GALNT5: variants seen among roughly 807,000 people sequenced by gnomAD.
The protein encoded by GALNT5 is polypeptide N-acetylgalactosaminyltransferase 5, also known as UDP-GalNAc:polypeptide N-acetylgalactosaminyltransferase 5.
GALNT5 carries 72 observed loss-of-function variants against 85.4 expected under a neutral mutation model. The observed-to-expected ratio is 0.84, with a 90% CI of 0.70 to 1.03. The LOEUF is 1.03. Ranked by LOEUF, GALNT5 falls within the 50% of genes least tolerant of loss-of-function variation. The probability of loss-of-function intolerance (pLI) is 0.00; values close to 1 mark genes in which losing one functional copy is unlikely to be tolerated. For synonymous variants in GALNT5, 404 were observed against 397.0 expected, an observed-to-expected ratio of 1.02 and a Z score of -0.21; for missense variants, 1,137 against 1,135.5, an observed-to-expected ratio of 1.00 and a Z score of -0.02.
At chr2:157,295,058 C>G (rs1298157499) in intron 3 of GALNT5, among the ~76,000 whole-genome samples, 2 of 151,860 alleles carry the variant, frequency 1.3e-5, no homozygotes, top group African/African-American at 4.8e-5. Flanking sequence ...AGTGTGCAGG[C>G]CCATAGTGTT....
intron 9 of GALNT5, among the ~76,000 whole-genome samples, chr2:157,310,470 A>C (rs200764026): frequency 6.6e-6 from 1 of 152,202 alleles, no homozygotes; most frequent in East Asian, 1.9e-4. Flanking sequence ...TTGTAGCAGC[A>C]ATCTTTAAAA....
rs1682234078 is a variant in GALNT5, at chr2:157,258,224, G to C, written c.142G>C (p.Asp48His). ...SEINTRVIKE[D>H]IVRRERIGFR... Reference sequence around the variant, plus strand: ...GATCAACACTCGGGTCATCAAGGAAGACATTGTGAGGAGGGAGCGGATAGG... The same window carrying C: ...GATCAACACTCGGGTCATCAAGGAACACATTGTGAGGAGGGAGCGGATAGG... Residue 48 changes from aspartate (D) to histidine (H), a missense_variant, in exon 1 of 10, where the codon GAC (aspartate) becomes CAC (histidine). Transcript: ENST00000259056. 6.2e-7 allele frequency: 1 copy of C among 1,613,852 alleles called. No individual in the cohort carries two copies. The highest frequency in any genetic ancestry group is 8.5e-7 in the Non-Finnish European group (1 of 1,179,932).
rs1683564747 is a variant in GALNT5, at chr2:157,311,310, T to C, written c.2785T>C (p.Tyr929His). The C allele has an allele frequency of 4.3e-6, 7 of 1,609,760 alleles. No individual in the cohort carries two copies. The highest frequency in any genetic ancestry group is 1.7e-4 in the Middle Eastern group (1 of 6,048). Residue 929 changes from tyrosine (Y) to histidine (H), a missense_variant, in exon 10 of 10, where the codon TAT (tyrosine) becomes CAT (histidine). Coordinates refer to ENST00000259056, the MANE Select transcript of GALNT5 (RefSeq NM_014568.3). ...KVAACDPVKP[Y>H]QKWKFEKYYE... ...AGCTGCCTGTGACCCAGTGAAGCCA[T>C]ATCAAAAGTGGAAATTTGAAAAATA... is the stretch of plus-strand genomic sequence containing the variant.
At position 157,294,736 on chromosome 2, in the gene GALNT5, G is replaced by A. The variant is rs554788890; in HGVS notation, c.1742-927G>A. Among the ~76,000 whole-genome samples the A allele has an allele frequency of 2.0e-5, 3 of 151,840 alleles. No homozygotes were observed. The South Asian group carries it at 6.2e-4, about 32-fold the overall frequency. ...ATCACACATAGGATGTGGACCAGGA[G>A]CTTATTTCCTGGGTTGTTACACTCT... On this transcript the variant is annotated intron_variant, in intron 3 of 9. Coordinates refer to ENST00000259056, the MANE Select transcript of GALNT5 (RefSeq NM_014568.3).
intron 1 of GALNT5, among the ~76,000 whole-genome samples, chr2:157,272,219 C>A (rs1331996717): frequency 6.6e-6 from 1 of 152,024 alleles, no homozygotes; most frequent in East Asian, 1.9e-4. Flanking sequence ...AAATATGATT[C>A]TGTCCATGTC....
chr2:157,274,225 T>C lies in GALNT5; in HGVS notation c.1455-10057T>C, dbSNP rs146564860. Among the ~76,000 whole-genome samples the C allele has an allele frequency of 6.8e-3, 1,038 of 152,350 alleles. 13 individuals are homozygous for C. Among genetic ancestry groups the C allele is most frequent in the African/African-American group, 0.024 (1,004 of 41,576 alleles). ...TTTTCTTAATCCATTCTATCATTGA[T>C]GGACATTTAGGTTGGTTCCAAGTCT... On this transcript the variant is annotated intron_variant, in intron 1 of 9. Transcript: ENST00000259056.
At chr2:157,287,540 G>A (rs2105146584) in intron 3 of GALNT5, among the ~76,000 whole-genome samples, 1 of 152,158 alleles carries the variant, frequency 6.6e-6, no homozygotes, top group African/African-American at 2.4e-5. Flanking sequence ...TGACCACTAG[G>A]AGCTTCTTCA....
Position 157,258,325 on chromosome 2 carries a change from T to C in GALNT5, c.243T>C (p.His81=), listed in dbSNP as rs1682238021. ...AGATGAAACCTCCCCTAAGGGGACA[T>C]GGGAAAGGGGCATGGGGCAAAGAGA... ...IKEMKPPLRG[H]GKGAWGKENV... is the part of the protein sequence containing the mutation. The change falls in exon 1 of 10, where the codon CAT becomes CAC. Residue 81 remains histidine, a synonymous_variant. Transcript: ENST00000259056. 2 of 1,597,854 alleles carry C rather than the reference T, an allele frequency of 1.3e-6. No homozygotes were observed. The highest frequency in any genetic ancestry group is 8.5e-7 in the Non-Finnish European group (1 of 1,174,208).
At chr2:157,303,848 G>T (rs1025165832) in intron 7 of GALNT5, among the ~76,000 whole-genome samples, 1 of 152,160 alleles carries the variant, frequency 6.6e-6, no homozygotes, top group Non-Finnish European at 1.5e-5. Flanking sequence ...TAAACAGGGG[G>T]TTCCCAAACA....
intron 5 of GALNT5, among the ~76,000 whole-genome samples, chr2:157,297,861 C>T (rs1489520709): frequency 6.6e-6 from 1 of 152,114 alleles, no homozygotes; most frequent in African/African-American, 2.4e-5. Context: ...AGTTTCTATC[C>T]TCCATGATCA....
intron 3 of GALNT5, among the ~76,000 whole-genome samples, chr2:157,287,039 T>C (rs959129964): frequency 6.6e-6 from 1 of 152,016 alleles, no homozygotes; most frequent in African/African-American, 2.4e-5. Flanking sequence ...GTGAAAATAT[T>C]ATATAGAATG....
intron 1 of GALNT5, among the ~76,000 whole-genome samples, chr2:157,264,213 AG>A (rs1682411641): frequency 6.6e-6 from 1 of 151,816 alleles, no homozygotes; most frequent in African/African-American, 2.4e-5. Context: ...ACGTACACAC[AG>A]GTTTTGCTAA....
Position 157,308,682 on chromosome 2 carries a change from G to A in GALNT5, c.2636G>A (p.Gly879Glu). The A allele has an allele frequency of 1.2e-6, 2 of 1,613,622 alleles. No homozygotes were observed. The highest frequency in any genetic ancestry group is 1.7e-6 in the Non-Finnish European group (2 of 1,179,782). The change falls in exon 9 of 10, where the codon GGG (glycine) becomes GAG (glutamate). Residue 879 changes from glycine (G) to glutamate (E), a missense_variant. By Grantham distance (98) the Gly-to-Glu change is moderately conservative. Coordinates refer to ENST00000259056, the MANE Select transcript of GALNT5 (RefSeq NM_014568.3). Reference protein sequence around the residue: ...RLHPCDNRNKGLKWLHKSTSV... With the variant: ...RLHPCDNRNKELKWLHKSTSV... Reference sequence around the variant, plus strand: ...CACCCTTGTGATAACAGAAACAAAGGGCTAAAATGGCTGCATAAATCAACA... The same window carrying A: ...CACCCTTGTGATAACAGAAACAAAGAGCTAAAATGGCTGCATAAATCAACA...
At position 157,295,686 on chromosome 2, in the gene GALNT5, T is replaced by A; in HGVS notation, c.1765T>A (p.Ser589Thr). Reference sequence around the variant, plus strand: ...AGGTGATGTGTTGACATTTTTAGATTCTCATGTGGAATGTAACGTTGGTTG... The same window carrying A: ...AGGTGATGTGTTGACATTTTTAGATACTCATGTGGAATGTAACGTTGGTTG... ...ATGDVLTFLD[S>T]HVECNVGWLE... The change falls in exon 4 of 10, where the codon TCT becomes ACT. Residue 589 changes from serine (S) to threonine (T), a missense_variant. Physicochemically the swap from Ser to Thr is moderately conservative, Grantham distance 58. Coordinates refer to ENST00000259056, the MANE Select transcript of GALNT5 (RefSeq NM_014568.3). The A allele has an allele frequency of 6.2e-7, 1 of 1,612,868 alleles. No individual in the cohort carries two copies.
chr2:157,304,827 A>C (rs1335254588), intron 7 of GALNT5, among the ~76,000 whole-genome samples: 1 of 152,160 alleles, frequency 6.6e-6, no homozygotes, highest in Non-Finnish European at 1.5e-5. Flanking sequence ...CCTTTTATGA[A>C]GTCTGGCAAT....
chr2:157,273,112 T>C (rs1034328990), intron 1 of GALNT5, among the ~76,000 whole-genome samples: 52 of 152,202 alleles, frequency 3.4e-4, no homozygotes, highest in Non-Finnish European at 5.4e-4. Flanking sequence ...ACCTTTTACT[T>C]TGCAGTTCAT....
chr2:157,278,819 A>G (rs1477980271), intron 1 of GALNT5, among the ~76,000 whole-genome samples: 1 of 152,070 alleles, frequency 6.6e-6, no homozygotes, highest in Non-Finnish European at 1.5e-5. Flanking sequence ...ACTTCTATCA[A>G]TTTGTCAAAG....
intron 5 of GALNT5, among the ~76,000 whole-genome samples, chr2:157,298,486 C>T (rs1683264480): frequency 6.6e-6 from 1 of 152,136 alleles, no homozygotes; most frequent in Admixed American, 6.5e-5. Context: ...TTCACCGCAG[C>T]CTTTCATTAG....
chr2:157,270,441 C>T (rs1380823076), intron 1 of GALNT5, among the ~76,000 whole-genome samples: 1 of 152,210 alleles, frequency 6.6e-6, no homozygotes, highest in Non-Finnish European at 1.5e-5. Context: ...CTCCATTCTC[C>T]TCAAGCCCCT....
Sources: allele counts gnomAD v4.1 joint callset (sites outside exome capture counted in the v4.1 genomes callset), GRCh38; gene constraint gnomAD v4.1.1; transcripts MANE v1.5; gene names NCBI Gene and HGNC (gene_info 2026-07-23, HGNC 2026-07-21).